The following HYAL4 variants were observed in gnomAD, a reference collection of about 807,000 sequenced individuals.
HYAL4 encodes hyaluronidase-4.
Under a neutral mutation model 35.2 loss-of-function variants are expected in HYAL4, and 37 were observed. The observed-to-expected ratio is 1.05, with a 90% confidence interval of 0.81 to 1.38. The LOEUF is 1.38. Ranked by LOEUF, HYAL4 falls within the 40% of genes most tolerant of loss-of-function variation. The pLI is 0.00. For synonymous variants in HYAL4, 198 were observed against 203.2 expected (o/e 0.97, Z 0.22); for missense variants, 572 against 572.4 (o/e 1.00, Z 0.01).
the HYAL4 span, among the ~76,000 whole-genome samples, chr7:123,770,062 A>G: frequency 2.0e-5 from 3 of 152,126 alleles, no homozygotes; most frequent in Non-Finnish European, 4.4e-5. Flanking sequence ...TAAAGTTTAA[A>G]CTAAATAAAT....
intron 2 of HYAL4, among the ~76,000 whole-genome samples, chr7:123,861,734 G>A (rs184678735): frequency 2.0e-4 from 30 of 152,168 alleles, no homozygotes; most frequent in African/African-American, 7.0e-4. Flanking sequence ...TATTTAAGAA[G>A]ACTGGAAAGG....
the HYAL4 span, among the ~76,000 whole-genome samples, chr7:123,808,164 G>A: frequency 1.3e-5 from 2 of 151,908 alleles, no homozygotes; most frequent in African/African-American, 2.4e-5. Context: ...ATTACAAAAG[G>A]CTTTATGGTA....
At chr7:123,823,119 ATTCT>A in the HYAL4 span, among the ~76,000 whole-genome samples, 2 of 152,178 alleles carry the variant, frequency 1.3e-5, no homozygotes, top group African/African-American at 4.8e-5. Context: ...GTTATGGCAC[ATTCT>A]TTCTACACCT....
At chr7:123,827,978 G>T (rs952917218), upstream of HYAL4, among the ~76,000 whole-genome samples, 3 of 152,138 alleles carry the variant, frequency 2.0e-5, no homozygotes, top group African/African-American at 7.2e-5. Context: ...ATTCCTGCCA[G>T]GCTCTTCTGG....
upstream of HYAL4, among the ~76,000 whole-genome samples, chr7:123,824,855 G>T (rs1268596742): frequency 1.3e-5 from 2 of 152,106 alleles, no homozygotes; most frequent in Non-Finnish European, 2.9e-5. Flanking sequence ...AGAACCTGTA[G>T]CAGAGCTTTG....
chr7:123,811,927 C>T, the HYAL4 span, among the ~76,000 whole-genome samples: 1 of 152,004 alleles, frequency 6.6e-6, no homozygotes, highest in Non-Finnish European at 1.5e-5. Flanking sequence ...CTGCAACCTC[C>T]ATCTACCAGG....
At chr7:123,774,250 G>A in the HYAL4 span, among the ~76,000 whole-genome samples, 17 of 152,160 alleles carry the variant, frequency 1.1e-4, no homozygotes, top group African/African-American at 3.9e-4. Flanking sequence ...TGTTGCCCAG[G>A]CTGGTCTTAA....
the HYAL4 span, among the ~76,000 whole-genome samples, chr7:123,817,818 G>GA: frequency 1.8e-4 from 27 of 147,478 alleles, no homozygotes; most frequent in South Asian, 1.5e-3. Context: ...TATGCAAAAA[G>GA]AAAAAAAAAA....
intron 1 of HYAL4, among the ~76,000 whole-genome samples, chr7:123,835,168 T>C (rs1483572500): frequency 6.6e-6 from 1 of 152,198 alleles, no homozygotes. Context: ...TACCACTTCT[T>C]TGACTATCTT....
chr7:123,774,329 A>T, the HYAL4 span, among the ~76,000 whole-genome samples: 1 of 152,100 alleles, frequency 6.6e-6, no homozygotes, highest in East Asian at 1.9e-4. Context: ...GTGAGCCACC[A>T]CCATGCCTGG....
chr7:123,798,231 A>G, the HYAL4 span, among the ~76,000 whole-genome samples: 2 of 152,232 alleles, frequency 1.3e-5, no homozygotes, highest in Admixed American at 6.5e-5. Flanking sequence ...ACTCTTGTGT[A>G]TTTAAGCCAG....
chr7:123,794,506 C>T, the HYAL4 span, among the ~76,000 whole-genome samples: 1 of 152,198 alleles, frequency 6.6e-6, no homozygotes, highest in Non-Finnish European at 1.5e-5. Flanking sequence ...ACCCCCTCTG[C>T]TCTATGCGCC....
chr7:123,849,474 T>A (rs1806252620), intron 2 of HYAL4, among the ~76,000 whole-genome samples: 1 of 152,060 alleles, frequency 6.6e-6, no homozygotes, highest in Non-Finnish European at 1.5e-5. Context: ...CTAATTTTTG[T>A]ATTTTTTGGT....
rs1279433862 is a variant in HYAL4 at position 123,868,927 on chromosome 7, T to C, written c.654T>C (p.Tyr218=). 3 of 1,614,160 alleles carry C rather than the reference T, an allele frequency of 1.9e-6. No homozygotes were observed. Among genetic ancestry groups the C allele is most frequent in the Non-Finnish European group, 2.5e-6 (3 of 1,180,024 alleles). The part of the protein sequence containing the change: ...KSRPKGLWGY[Y]LYPDCHNYNV... ...GACCCAAAGGCCTTTGGGGTTATTA[T>C]TTATATCCTGATTGCCACAATTATA... The change falls in exon 3 of 5, where the codon TAT becomes TAC. Residue 218 remains tyrosine (Y), a synonymous_variant. Coordinates refer to ENST00000223026, the MANE Select transcript of HYAL4 (RefSeq NM_012269.3).
chr7:123,793,953 C>T, the HYAL4 span, among the ~76,000 whole-genome samples: 2 of 152,114 alleles, frequency 1.3e-5, no homozygotes, highest in African/African-American at 2.4e-5. Flanking sequence ...TTCCTAGAGA[C>T]TTGGAGGGCA....
At chr7:123,804,731 A>C in the HYAL4 span, among the ~76,000 whole-genome samples, 1 of 152,158 alleles carries the variant, frequency 6.6e-6, no homozygotes, top group Non-Finnish European at 1.5e-5. Flanking sequence ...GCATCTAACC[A>C]TGAATGTGGT....
At chr7:123,798,778 C>A in the HYAL4 span, among the ~76,000 whole-genome samples, 2 of 152,168 alleles carry the variant, frequency 1.3e-5, no homozygotes, top group Non-Finnish European at 2.9e-5. Context: ...TTCTCTTTCC[C>A]TTTAATAGAA....
intron 2 of HYAL4, among the ~76,000 whole-genome samples, chr7:123,856,460 C>A (rs1199738442): frequency 1.3e-5 from 2 of 152,178 alleles, no homozygotes; most frequent in Non-Finnish European, 2.9e-5. Context: ...CCCTCTTCTG[C>A]AGGTCTGCTG....
chr7:123,786,051 C>G, the HYAL4 span, among the ~76,000 whole-genome samples: 1 of 152,136 alleles, frequency 6.6e-6, no homozygotes, highest in Non-Finnish European at 1.5e-5. Flanking sequence ...TTACAAATAG[C>G]CAAAATCCCA....
Sources: allele counts gnomAD v4.1 joint callset (sites outside exome capture counted in the v4.1 genomes callset), GRCh38; gene constraint gnomAD v4.1.1; transcripts MANE v1.5; gene names NCBI Gene and HGNC (gene_info 2026-07-23, HGNC 2026-07-21).